Variants in LRRFIP2 observed in about 807,000 individuals in gnomAD.
LRRFIP2 encodes leucine-rich repeat flightless-interacting protein 2.
A neutral mutation model predicts 125.9 loss-of-function variants in LRRFIP2; 109 were observed. That is an observed-to-expected ratio of 0.87 (90% CI 0.74 to 1.01). The LOEUF (loss-of-function observed/expected upper bound fraction) is 1.01. LRRFIP2 is among the 50% of genes least tolerant of loss of function. The pLI is 0.00. For missense variants in LRRFIP2, 850 were observed against 862.3 expected, an observed-to-expected ratio of 0.99 and a Z score of 0.18; for synonymous variants, 291 against 293.1, an observed-to-expected ratio of 0.99 and a Z score of 0.07.
intron 2 of LRRFIP2, among the ~76,000 whole-genome samples, chr3:37,140,625 T>C (rs2095671279): frequency 6.7e-6 from 1 of 148,872 alleles, no homozygotes; most frequent in Non-Finnish European, 1.5e-5. Context: ...AGTGCTCTAA[T>C]CTGGGAGACA....
chr3:37,099,392 AC>A (rs1307740037), intron 15 of LRRFIP2, among the ~76,000 whole-genome samples: 1 of 152,222 alleles, frequency 6.6e-6, no homozygotes. Context: ...AGCTTTTTAA[AC>A]AGAATAAAAT....
At chr3:37,160,147 C>T (rs1560134199) in intron 1 of LRRFIP2, among the ~76,000 whole-genome samples, 1 of 151,874 alleles carries the variant, frequency 6.6e-6, no homozygotes, top group Non-Finnish European at 1.5e-5. Flanking sequence ...GACAAAGGGG[C>T]TCTGGGGAAG....
chr3:37,115,725 T>A (rs1015171199), intron 6 of LRRFIP2, among the ~76,000 whole-genome samples: 11 of 152,134 alleles, frequency 7.2e-5, no homozygotes, highest in Non-Finnish European at 1.3e-4. Flanking sequence ...ACACTGAATA[T>A]AAATCAAAGA....
At chr3:37,138,192 A>G (rs958352094) in intron 2 of LRRFIP2, among the ~76,000 whole-genome samples, 1 of 152,234 alleles carries the variant, frequency 6.6e-6, no homozygotes, top group Non-Finnish European at 1.5e-5. Context: ...CAATACCCAA[A>G]GCATTCTTAA....
At chr3:37,108,708 T>TTAGC (rs766364087) in intron 11 of LRRFIP2, 24 bp from the exon 12 acceptor site, 59 of 1,573,818 alleles carry the variant, frequency 3.7e-5, no homozygotes, top group Non-Finnish European at 5.2e-5. Flanking sequence ...GAAATATCAC[T>TTAGC]TAGCTATTTA....
intron 4 of LRRFIP2, among the ~76,000 whole-genome samples, chr3:37,125,785 A>G (rs76597672): frequency 0.049 from 7,472 of 152,164 alleles, 262 homozygotes; most frequent in Non-Finnish European, 0.071. Flanking sequence ...TGACAATCCT[A>G]TTGTGGATTG....
chr3:37,119,500 C>CA (rs2094933636), intron 6 of LRRFIP2, among the ~76,000 whole-genome samples: 1 of 151,738 alleles, frequency 6.6e-6, no homozygotes, highest in Non-Finnish European at 1.5e-5. Context: ...TATAAATAAC[C>CA]GGCTTAATAA....
chr3:37,096,623 T>C lies in LRRFIP2; in HGVS notation c.911A>G (p.Tyr304Cys), dbSNP rs756631461. ...EKSDKQYAEN[Y>C]TRPSSRNSAS... ...AGGAATTTACATACTCACTCTTGTA[T>C]AATTTTCAGCATACTGTTTGTCAGA... Residue 304 changes from tyrosine (Y) to cysteine (C), a missense_variant, in exon 16 of 28, where the codon TAT becomes TGT. Tyr to Cys is a radical substitution (Grantham distance 194). Transcript: ENST00000336686. 5 of 1,563,336 alleles carry C rather than the reference T, an allele frequency of 3.2e-6. No individual in the cohort carries two copies. Among genetic ancestry groups the C allele is most frequent in the South Asian group, 2.3e-5 (2 of 87,592 alleles).
At chr3:37,160,209 G>C (rs370627883) in intron 1 of LRRFIP2, among the ~76,000 whole-genome samples, 1 of 151,844 alleles carries the variant, frequency 6.6e-6, no homozygotes, top group South Asian at 2.1e-4. Context: ...GGGCTTAGGT[G>C]AAAGTATGCA....
intron 15 of LRRFIP2, among the ~76,000 whole-genome samples, chr3:37,102,550 G>A (rs979480856): frequency 4.2e-5 from 6 of 141,962 alleles, no homozygotes; most frequent in African/African-American, 1.6e-4. Flanking sequence ...CCAGGATACA[G>A]TGCAGTGGTG....
intron 2 of LRRFIP2, among the ~76,000 whole-genome samples, chr3:37,140,910 C>T (rs1371439367): frequency 6.6e-6 from 1 of 152,126 alleles, no homozygotes; most frequent in Admixed American, 6.5e-5. Context: ...CCAGACCTTC[C>T]TCTTTATTCC....
At chr3:37,056,089 C>G (rs541939297) in intron 25 of LRRFIP2, among the ~76,000 whole-genome samples, 1 of 152,280 alleles carries the variant, frequency 6.6e-6, no homozygotes, top group African/African-American at 2.4e-5. Context: ...CTAAATCTAC[C>G]TATGTACCTA....
chr3:37,096,546 A>C, intron 16 of LRRFIP2, 70 bp downstream of exon 16: 1 of 954,184 alleles, frequency 1.0e-6, no homozygotes, highest in Non-Finnish European at 1.7e-6. Context: ...TGTAAAATAA[A>C]TAATGAACAA....
intron 4 of LRRFIP2, among the ~76,000 whole-genome samples, chr3:37,125,706 C>T (rs112415825): frequency 6.6e-6 from 1 of 151,986 alleles, no homozygotes; most frequent in African/African-American, 2.4e-5. Context: ...CATCACACTC[C>T]CACCCAAAAA....
At chr3:37,135,047 G>A in intron 2 of LRRFIP2, 2 of 1,427,318 alleles carry the variant, frequency 1.4e-6, no homozygotes, top group South Asian at 2.3e-5. Context: ...CCATAAAATA[G>A]ACAGACGTAA....
intron 17 of LRRFIP2, among the ~76,000 whole-genome samples, chr3:37,093,441 C>T (rs2093571378): frequency 1.3e-5 from 2 of 152,176 alleles, no homozygotes; most frequent in African/African-American, 2.4e-5. Context: ...AATAATCACT[C>T]TCACCTTTAA....
intron 16 of LRRFIP2, among the ~76,000 whole-genome samples, chr3:37,095,637 T>C (rs1381464329): frequency 6.6e-6 from 1 of 152,076 alleles, no homozygotes; most frequent in Non-Finnish European, 1.5e-5. Context: ...ATATTTATTA[T>C]TTTTATTATT....
intron 26 of LRRFIP2, 94 bp downstream of exon 26, chr3:37,054,992 C>T (rs1226996577): frequency 2.6e-6 from 2 of 765,148 alleles, no homozygotes; most frequent in Non-Finnish European, 4.4e-6. Context: ...ATTATTGATC[C>T]AACTGCAAAG....
chr3:37,145,973 T>C (rs1048186532), intron 2 of LRRFIP2, among the ~76,000 whole-genome samples: 6 of 152,252 alleles, frequency 3.9e-5, no homozygotes, highest in African/African-American at 1.4e-4. Flanking sequence ...AATTAATGCA[T>C]GTAAAATGCT....
Sources: gnomAD v4.1 joint callset for allele counts (sites outside exome capture counted in the v4.1 genomes callset) on GRCh38, gnomAD v4.1.1 for gene constraint, MANE v1.5 for transcripts, NCBI Gene and HGNC (gene_info 2026-07-23, HGNC 2026-07-21) for gene names.